The following ADGRE3 variants were observed in gnomAD, a reference collection of about 807,000 sequenced individuals.
ADGRE3 encodes EGF-like module receptor 3.
A neutral mutation model predicts 80.1 loss-of-function variants in ADGRE3; 88 were observed. That is an observed-to-expected ratio of 1.10 (90% CI 0.93 to 1.31). ADGRE3 has a LOEUF of 1.31. ADGRE3 is among the 40% of genes most tolerant of loss of function. The pLI is 0.00. For synonymous variants in ADGRE3, 281 were observed against 294.8 expected (o/e 0.95, Z 0.48); for missense variants, 715 against 776.5 (o/e 0.92, Z 0.94).
intron 9 of ADGRE3, among the ~76,000 whole-genome samples, chr19:14,642,275 G>A (rs537750747): frequency 6.6e-6 from 1 of 152,242 alleles, no homozygotes; most frequent in East Asian, 1.9e-4. Context: ...GCTTTGGGAA[G>A]CTGAGGTGGG....
intron 5 of ADGRE3, among the ~76,000 whole-genome samples, chr19:14,655,565 C>T (rs996149208): frequency 6.6e-6 from 1 of 152,048 alleles, no homozygotes; most frequent in Non-Finnish European, 1.5e-5. Flanking sequence ...AAGTGATTCT[C>T]ATGCTTCAGT....
At chr19:14,639,986 C>T (rs1373003324) in intron 10 of ADGRE3, among the ~76,000 whole-genome samples, 2 of 152,168 alleles carry the variant, frequency 1.3e-5, no homozygotes, top group East Asian at 3.8e-4. Flanking sequence ...CCCTAAACCC[C>T]TTCCCTGCTG....
chr19:14,668,752 A>C (rs772647056), intron 2 of ADGRE3, 50 bp downstream of exon 2: 1 of 1,543,898 alleles, frequency 6.5e-7, no homozygotes, highest in Non-Finnish European at 8.9e-7. Context: ...GAGTGGCTCC[A>C]GGTCCAGCCC....
chr19:14,671,088 C>A (rs1039659344), intron 1 of ADGRE3, among the ~76,000 whole-genome samples: 1 of 152,134 alleles, frequency 6.6e-6, no homozygotes, highest in African/African-American at 2.4e-5. Context: ...GAGAAGAGGC[C>A]CTGGGGGCTA....
downstream of ADGRE3, among the ~76,000 whole-genome samples, chr19:14,618,186 A>C (rs2075093836): frequency 6.6e-6 from 1 of 152,192 alleles, no homozygotes; most frequent in Non-Finnish European, 1.5e-5. Flanking sequence ...TACATCGTGG[A>C]ATGACTAAGT....
chr19:14,615,632 C>T (rs932086613), downstream of ADGRE3, among the ~76,000 whole-genome samples: 1 of 151,160 alleles, frequency 6.6e-6, no homozygotes, highest in Non-Finnish European at 1.5e-5. Flanking sequence ...CGTGGTGGTG[C>T]GTGCCTGTAA....
rs1403367840 is a variant in ADGRE3, at chr19:14,674,810, G to A, written c.-40C>T. The A allele has an allele frequency of 6.2e-7, 1 of 1,610,706 alleles. No homozygotes were observed. Among genetic ancestry groups the A allele is most frequent in the Non-Finnish European group, 8.5e-7 (1 of 1,178,112 alleles). On this transcript the variant is annotated 5_prime_UTR_variant, in exon 1 of 16. Transcript: ENST00000253673. ...TATCCCACGCCAGCCAGCCCTGGAA[G>A]CTCTCTACTGTGCCGTAAGCCAACC... is the stretch of plus-strand genomic sequence containing the variant.
chr19:14,638,159 A>G lies in ADGRE3; in HGVS notation c.1430T>C (p.Val477Ala). ...GGAGGCTGCAGAAATGGCCACAGTC[A>G]CAGCGGGAACGCCATAGCCGACTGG... ...MFPVGYGVPA[V>A]TVAISAASWP... Residue 477 changes from valine (V) to alanine (A), a missense_variant, in exon 11 of 16, where the codon GTG (valine) becomes GCG (alanine). By Grantham distance (64) the Val-to-Ala change is moderately conservative. Coordinates refer to ENST00000253673, the MANE Select transcript of ADGRE3 (RefSeq NM_032571.5). 1 of 1,614,142 alleles carries G rather than the reference A, an allele frequency of 6.2e-7. No homozygotes were observed. Among genetic ancestry groups the G allele is most frequent in the Non-Finnish European group, 8.5e-7 (1 of 1,180,016 alleles).
Position 14,656,365 on chromosome 19 carries a change from A to G in ADGRE3, c.394-1200T>C, listed in dbSNP as rs1971762406. Among the ~76,000 whole-genome samples, 3 of 89,972 alleles carry G rather than the reference A, an allele frequency of 3.3e-5. No individual in the cohort carries two copies. In the South Asian group the frequency reaches 1.5e-3, roughly 46 times the overall value. The allele number at this position is 89,972 out of a possible 152,430, so 59.0% of individuals were successfully genotyped here. On this transcript the variant is annotated intron_variant, in intron 5 of 15. Coordinates refer to ENST00000253673, the MANE Select transcript of ADGRE3 (RefSeq NM_032571.5). ...TGAGACTCCATCTCAAAAAAAAAAA[A>G]AAAAGAAAAGAAAAAAAAAAAAGAA... is the stretch of plus-strand genomic sequence containing the variant.
the ADGRE3 span, among the ~76,000 whole-genome samples, chr19:14,609,139 G>A: frequency 3.3e-5 from 5 of 152,014 alleles, no homozygotes; most frequent in Admixed American, 6.6e-5. Flanking sequence ...TGCTTTTTCC[G>A]CAAAGCTATT....
intron 11 of ADGRE3, among the ~76,000 whole-genome samples, chr19:14,634,615 T>G (rs1970983093): frequency 6.6e-6 from 1 of 152,178 alleles, no homozygotes; most frequent in African/African-American, 2.4e-5. Context: ...TGTTGAATTT[T>G]CACACCAGCA....
In ADGRE3 at chr19:14,655,177, T is replaced by A. The variant is rs113176181; in HGVS notation, c.394-12A>T. The A allele has an allele frequency of 1.4e-4, 216 of 1,594,162 alleles. No individual in the cohort carries two copies. The African/African-American group carries it at 2.5e-3, about 19-fold the overall frequency. On this transcript the variant is annotated splice_polypyrimidine_tract_variant and intron_variant, in intron 5 of 15. Coordinates refer to ENST00000253673, the MANE Select transcript of ADGRE3 (RefSeq NM_032571.5). ...ACAATCTTTTGCAGCTTTGAAGACA[T>A]AAAGAATTTTCATTTTTTAAAAATG...
chr19:14,624,000 C>T (rs7508116), intron 15 of ADGRE3, among the ~76,000 whole-genome samples: 138,372 of 152,044 alleles, frequency 0.91, 63,085 homozygotes, highest in South Asian at 0.96. Flanking sequence ...AGCTACCCTA[C>T]GTTTCCCAGG....
At chr19:14,604,315 C>G in the ADGRE3 span, among the ~76,000 whole-genome samples, 1 of 152,126 alleles carries the variant, frequency 6.6e-6, no homozygotes, top group Admixed American at 6.6e-5. Context: ...CTGGGGCCTG[C>G]CATGTCTACA....
chr19:14,608,945 G>T, the ADGRE3 span, among the ~76,000 whole-genome samples: 1 of 151,622 alleles, frequency 6.6e-6, no homozygotes, highest in Non-Finnish European at 1.5e-5. Context: ...GATTACAGGC[G>T]CCCGCCACCA....
downstream of ADGRE3, among the ~76,000 whole-genome samples, chr19:14,614,293 G>A (rs947187614): frequency 7.2e-5 from 11 of 152,124 alleles, no homozygotes; most frequent in African/African-American, 2.4e-4. Context: ...TCTGATATGC[G>A]TATTGAGAAA....
chr19:14,659,623 C>T (rs377468384), intron 4 of ADGRE3, among the ~76,000 whole-genome samples: 20 of 151,674 alleles, frequency 1.3e-4, no homozygotes, highest in African/African-American at 4.4e-4. Flanking sequence ...GCATTCGAGA[C>T]CAGCCTGGCC....
At chr19:14,613,517 T>C in the ADGRE3 span, among the ~76,000 whole-genome samples, 1 of 152,198 alleles carries the variant, frequency 6.6e-6, no homozygotes, top group Non-Finnish European at 1.5e-5. Context: ...GATCAATTTA[T>C]TGATCAATAA....
At chr19:14,608,083 GC>G in the ADGRE3 span, among the ~76,000 whole-genome samples, 1 of 151,962 alleles carries the variant, frequency 6.6e-6, no homozygotes, top group East Asian at 1.9e-4. Flanking sequence ...TGTTGCCCAG[GC>G]TGGTTTTGAA....
Sources: gnomAD v4.1 joint callset for allele counts (sites outside exome capture counted in the v4.1 genomes callset) on GRCh38, gnomAD v4.1.1 for gene constraint, MANE v1.5 for transcripts, NCBI Gene and HGNC (gene_info 2026-07-23, HGNC 2026-07-21) for gene names.